The following VRK2 variants were observed in gnomAD, a reference collection of about 807,000 sequenced individuals.
VRK2 encodes serine/threonine-protein kinase VRK2.
A neutral mutation model predicts 57.6 loss-of-function variants in VRK2; 60 were observed. The observed-to-expected ratio is 1.04, with a 90% CI of 0.85 to 1.29. The LOEUF is 1.29. Among genes scored for constraint, VRK2 ranks in the 50% most tolerant of loss-of-function variants. The pLI is 0.00. For synonymous variants in VRK2, 231 were observed against 199.2 expected (o/e 1.16, Z -1.35); for missense variants, 705 against 588.1 (o/e 1.20, Z -2.06).
intron 1 of VRK2, among the ~76,000 whole-genome samples, chr2:58,048,297 G>A (rs569629070): frequency 1.3e-5 from 2 of 152,142 alleles, no homozygotes; most frequent in South Asian, 2.1e-4. Flanking sequence ...TTACATATCC[G>A]TGAAAATCCC....
intron 1 of VRK2, among the ~76,000 whole-genome samples, chr2:58,048,015 T>C (rs1030844655): frequency 6.6e-6 from 1 of 152,254 alleles, no homozygotes; most frequent in Admixed American, 6.5e-5. Context: ...TTTTCAGGCA[T>C]GTATGCTGGC....
chr2:58,034,364 G>T (rs1192941716), intron 3 of VRK2, among the ~76,000 whole-genome samples: 2 of 151,758 alleles, frequency 1.3e-5, no homozygotes, highest in East Asian at 1.9e-4. Context: ...TTCCCAGTTT[G>T]CCCGCTACCG....
chr2:58,017,743 T>C (rs1379417609), intron 1 of VRK2, among the ~76,000 whole-genome samples: 1 of 152,192 alleles, frequency 6.6e-6, no homozygotes, highest in African/African-American at 2.4e-5. Context: ...ATTTGAAGTA[T>C]GTGATTAAAT....
chr2:58,059,567 A>G (rs1237590388), intron 2 of VRK2, among the ~76,000 whole-genome samples: 5 of 151,902 alleles, frequency 3.3e-5, no homozygotes, highest in African/African-American at 9.7e-5. Flanking sequence ...TCGTGTTAAC[A>G]TATCCCTTTA....
chr2:58,048,538 A>C, intron 1 of VRK2: 1 of 1,362,102 alleles, frequency 7.3e-7, no homozygotes, highest in Non-Finnish European at 9.7e-7. Flanking sequence ...TGTGTCCTGC[A>C]CTGTTAATAT....
chr2:58,002,000 A>G lies in VRK2; in HGVS notation c.-438-23665A>G, dbSNP rs534532045. ...CACTATCAATTCTGTCAGATTACAA[A>G]TTACAAAGAATCTAAATAATGGTTG... On this transcript the variant is annotated intron_variant, in intron 1 of 15. Coordinates refer to the VRK2 transcript ENST00000417641. Among the ~76,000 whole-genome samples the G allele has an allele frequency of 3.9e-5, 6 of 152,296 alleles. No individual in the cohort carries two copies. In the East Asian group the frequency reaches 1.2e-3, roughly 29 times the overall value.
chr2:58,099,934 CA>C (rs1673718685), intron 7 of VRK2, among the ~76,000 whole-genome samples: 1 of 151,930 alleles, frequency 6.6e-6, no homozygotes, highest in East Asian at 1.9e-4. Context: ...ATGTGTTCTC[CA>C]AATACTTAAA....
chr2:57,967,245 G>A (rs1558517223), intron 1 of VRK2, among the ~76,000 whole-genome samples: 1 of 151,990 alleles, frequency 6.6e-6, no homozygotes, highest in Non-Finnish European at 1.5e-5. Flanking sequence ...GCTAGGGGAG[G>A]GATAGCATTA....
intron 12 of VRK2, among the ~76,000 whole-genome samples, chr2:58,150,314 T>C (rs1480782188): frequency 4.0e-5 from 6 of 151,472 alleles, no homozygotes; most frequent in Admixed American, 6.6e-5. Flanking sequence ...TTAGATTTTT[T>C]TTCTTGGGTC....
At chr2:57,928,419 T>C (rs145401811) in intron 1 of VRK2, among the ~76,000 whole-genome samples, 234 of 152,236 alleles carry the variant, frequency 1.5e-3, no homozygotes, top group Middle Eastern at 3.4e-3. Flanking sequence ...ATTTATATGA[T>C]AGGCTTCTGA....
intron 1 of VRK2, among the ~76,000 whole-genome samples, chr2:57,966,143 T>G (rs1015200423): frequency 6.6e-6 from 1 of 152,188 alleles, no homozygotes; most frequent in East Asian, 1.9e-4. Flanking sequence ...GACAGTTTAT[T>G]ACTCACACTC....
intron 7 of VRK2, among the ~76,000 whole-genome samples, chr2:58,105,219 C>G (rs1674559901): frequency 6.6e-6 from 1 of 151,790 alleles, no homozygotes; most frequent in African/African-American, 2.4e-5. Flanking sequence ...TTTAATTAAA[C>G]TGAAAAACCT....
chr2:58,032,397 G>C (rs1674143080), intron 2 of VRK2, among the ~76,000 whole-genome samples: 1 of 152,056 alleles, frequency 6.6e-6, no homozygotes, highest in South Asian at 2.1e-4. Flanking sequence ...AGGATCCACT[G>C]ACAGGTTCAT....
chr2:57,947,578 G>T (rs1309925016), intron 1 of VRK2, among the ~76,000 whole-genome samples: 1 of 152,044 alleles, frequency 6.6e-6, no homozygotes, highest in East Asian at 1.9e-4. Flanking sequence ...CCACCCAGAG[G>T]GTACTGTAAA....
At chr2:57,918,072 A>T (rs1670214592) in intron 1 of VRK2, among the ~76,000 whole-genome samples, 1 of 152,182 alleles carries the variant, frequency 6.6e-6, no homozygotes, top group South Asian at 2.1e-4. Context: ...TAATTCCAGC[A>T]TGTGAAGCTT....
At chr2:58,153,832 G>T (rs74624787) in intron 12 of VRK2, among the ~76,000 whole-genome samples, 1,809 of 152,070 alleles carry the variant, frequency 0.012, 37 homozygotes, top group African/African-American at 0.041. Flanking sequence ...AACCATCTGG[G>T]TCTGGAGATT....
At chr2:57,933,756 T>C (rs1456590663) in intron 1 of VRK2, among the ~76,000 whole-genome samples, 1 of 151,894 alleles carries the variant, frequency 6.6e-6, no homozygotes, top group Non-Finnish European at 1.5e-5. Context: ...AGATTTGCAA[T>C]TGCCAATTTG....
chr2:57,990,288 T>C (rs1672722924), intron 1 of VRK2, among the ~76,000 whole-genome samples: 1 of 152,224 alleles, frequency 6.6e-6, no homozygotes, highest in South Asian at 2.1e-4. Context: ...TCGTGAACTT[T>C]AACACTCTTA....
chr2:57,995,377 G>A (rs1016125645), intron 1 of VRK2, among the ~76,000 whole-genome samples: 4 of 152,272 alleles, frequency 2.6e-5, no homozygotes, highest in African/African-American at 9.6e-5. Context: ...CAAGCTCACA[G>A]TAGTGGATAC....
Sources: gnomAD v4.1 joint callset for allele counts (sites outside exome capture counted in the v4.1 genomes callset) on GRCh38, gnomAD v4.1.1 for gene constraint, MANE v1.5 for transcripts, NCBI Gene and HGNC (gene_info 2026-07-23, HGNC 2026-07-21) for gene names.